DUSP29: variants seen among roughly 807,000 people sequenced by gnomAD.
DUSP29 encodes atypical dual-specific protein phosphatase.
DUSP29 carries 12 observed loss-of-function variants against 13.5 expected under a neutral mutation model. The observed-to-expected ratio is 0.89, with a 90% CI of 0.57 to 1.44. The LOEUF (loss-of-function observed/expected upper bound fraction) is 1.44. Among genes scored for constraint, DUSP29 ranks in the 40% most tolerant of loss-of-function variants. The probability of loss-of-function intolerance (pLI) is 0.00; values close to 1 mark genes in which losing one functional copy is unlikely to be tolerated. For synonymous variants in DUSP29, 134 were observed against 128.7 expected (o/e 1.04, Z -0.28); for missense variants, 308 against 301.1 (o/e 1.02, Z -0.17).
chr10:75,052,761 T>G (rs772410083), intron 2 of DUSP29, among the ~76,000 whole-genome samples: 1 of 152,204 alleles, frequency 6.6e-6, no homozygotes, highest in Non-Finnish European at 1.5e-5. Context: ...CAACTATTCT[T>G]CAAGTTGAGG....
intron 1 of DUSP29, among the ~76,000 whole-genome samples, chr10:75,068,357 G>T (rs1847248883): frequency 6.6e-6 from 1 of 152,060 alleles, no homozygotes; most frequent in Admixed American, 6.6e-5. Flanking sequence ...TGCACCTGTG[G>T]TCCCAGCTAC....
At chr10:75,044,636 A>C (rs570334155) in intron 2 of DUSP29, among the ~76,000 whole-genome samples, 32 of 152,334 alleles carry the variant, frequency 2.1e-4, no homozygotes, top group African/African-American at 7.2e-4. Flanking sequence ...AATTGATTGC[A>C]GGGAAGTTCT....
chr10:75,055,093 T>A (rs1229771880), intron 2 of DUSP29, among the ~76,000 whole-genome samples: 2 of 152,186 alleles, frequency 1.3e-5, no homozygotes, highest in Non-Finnish European at 2.9e-5. Context: ...CCTCCCACCT[T>A]GGCCTCCCAA....
chr10:75,039,963 T>C (rs908558348), intron 3 of DUSP29, among the ~76,000 whole-genome samples: 1 of 152,094 alleles, frequency 6.6e-6, no homozygotes, highest in East Asian at 1.9e-4. Context: ...GTGGATCACT[T>C]GAGGCCAGGA....
intron 2 of DUSP29, among the ~76,000 whole-genome samples, chr10:75,054,931 C>T (rs1846926085): frequency 6.6e-6 from 1 of 152,132 alleles, no homozygotes; most frequent in Non-Finnish European, 1.5e-5. Flanking sequence ...CCATGACCTC[C>T]TGGACTCAAG....
intron 3 of DUSP29, among the ~76,000 whole-genome samples, chr10:75,043,358 C>A (rs1263081547): frequency 2.0e-5 from 3 of 152,212 alleles, no homozygotes; most frequent in Non-Finnish European, 4.4e-5. Flanking sequence ...TGTCTCCGGC[C>A]GCAGTCCCAG....
chr10:75,066,958 C>CTT (rs61298475), intron 1 of DUSP29, among the ~76,000 whole-genome samples: 146 of 139,450 alleles, frequency 1.0e-3, no homozygotes, highest in East Asian at 1.7e-3. Context: ...TTTTCTTTTT[C>CTT]TTTTTTTTTT....
In DUSP29 at chr10:75,060,468, T is replaced by TAA. The variant is rs56741186; in HGVS notation, c.-34-1922_-34-1921dup. Among the ~76,000 whole-genome samples, 993 of 124,454 alleles carry TAA rather than the reference T, an allele frequency of 8.0e-3. 3 individuals carry two copies. The highest frequency in any genetic ancestry group is 0.047 in the Middle Eastern group (11 of 236). The allele number at this position is 124,454 out of a possible 152,430, so 81.6% of individuals were successfully genotyped here. ...TCCTGGGCAACACAGTGAGACCTTA[T>TAA]AAAAAAAAAAAAAAAAACCCAAAAC... On this transcript the variant is annotated intron_variant, in intron 1 of 3. Coordinates refer to ENST00000338487, the MANE Select transcript of DUSP29 (RefSeq NM_001003892.3).
At chr10:75,070,110 GAA>G (rs1564647495) in intron 1 of DUSP29, among the ~76,000 whole-genome samples, 6 of 141,222 alleles carry the variant, frequency 4.2e-5, no homozygotes, top group Non-Finnish European at 7.5e-5. Context: ...AGGAAGGAAG[GAA>G]GGAAGGAAGG....
At chr10:75,047,790 C>G (rs893631166) in intron 2 of DUSP29, among the ~76,000 whole-genome samples, 23 of 152,280 alleles carry the variant, frequency 1.5e-4, no homozygotes, top group African/African-American at 5.5e-4. Flanking sequence ...CATACTCCCC[C>G]CTCCAAAAAA....
chr10:75,065,671 C>A (rs956468747), intron 1 of DUSP29, among the ~76,000 whole-genome samples: 7 of 151,320 alleles, frequency 4.6e-5, no homozygotes, highest in African/African-American at 1.7e-4. Context: ...TCTTGCTTAA[C>A]AGAAAGCACA....
In DUSP29 at chr10:75,058,556, T is replaced by C. The variant is rs1847019101; in HGVS notation, c.-34-8A>G. ...TTTCTCTCCTTTCTGCAGCTGGTTA[T>C]GAGAGAGAAGCAGGATGGGGGTTAG... On this transcript the variant is annotated splice_polypyrimidine_tract_variant and splice_region_variant and intron_variant, in intron 1 of 3. Coordinates refer to ENST00000338487, the MANE Select transcript of DUSP29 (RefSeq NM_001003892.3). The C allele has an allele frequency of 6.2e-7, 1 of 1,608,898 alleles. No homozygotes were observed. Among genetic ancestry groups the C allele is most frequent in the Non-Finnish European group, 8.5e-7 (1 of 1,177,912 alleles).
chr10:75,064,052 CT>C (rs921669025), intron 1 of DUSP29, among the ~76,000 whole-genome samples: 249 of 145,364 alleles, frequency 1.7e-3, no homozygotes, highest in South Asian at 2.6e-3. Flanking sequence ...CTAGTTCAGA[CT>C]TTTTTTTTTT....
chr10:75,041,500 C>G (rs1483589133), intron 3 of DUSP29, among the ~76,000 whole-genome samples: 1 of 152,202 alleles, frequency 6.6e-6, no homozygotes, highest in African/African-American at 2.4e-5. Context: ...ACAGGGCTCT[C>G]TGCTTAGCCA....
At chr10:75,072,396 C>CA (rs1847349461) in intron 1 of DUSP29, among the ~76,000 whole-genome samples, 1 of 152,140 alleles carries the variant, frequency 6.6e-6, no homozygotes, top group Non-Finnish European at 1.5e-5. Context: ...GCGAGCCACA[C>CA]CCCCGTCGCA....
In DUSP29 at chr10:75,070,964, GA is replaced by G. The variant is rs1310169284; in HGVS notation, c.-35+2604del. Among the ~76,000 whole-genome samples the G allele has an allele frequency of 5.9e-5, 9 of 152,362 alleles. No homozygotes were observed. In the East Asian group the frequency reaches 9.6e-4, roughly 16 times the overall value. Reference sequence around the variant, plus strand: ...GACAAACAGCTAACTCCTGGCCCAGGAACCTGGAGTGGCTGTTTCCAGGCCG... The same window carrying G: ...GACAAACAGCTAACTCCTGGCCCAGGACCTGGAGTGGCTGTTTCCAGGCCG... On this transcript the variant is annotated intron_variant, in intron 1 of 3. Transcript: ENST00000338487.
In DUSP29 at chr10:75,037,832, G is replaced by A. The variant is rs761078122; in HGVS notation, c.*4C>T. 18 of 1,596,928 alleles carry A rather than the reference G, an allele frequency of 1.1e-5. No homozygotes were observed. Among genetic ancestry groups the A allele is most frequent in the East Asian group, 4.5e-5 (2 of 44,584 alleles). Reference sequence around the variant, plus strand: ...AGTGCCTCTGCTGGCCCTGTGAGTCGGGCCTACAGCTCCCTGCCATCCTCC... The same window carrying A: ...AGTGCCTCTGCTGGCCCTGTGAGTCAGGCCTACAGCTCCCTGCCATCCTCC... On this transcript the variant is annotated 3_prime_UTR_variant, in exon 4 of 4. Coordinates refer to ENST00000338487, the MANE Select transcript of DUSP29 (RefSeq NM_001003892.3).
At chr10:75,061,045 C>T (rs975691248) in intron 1 of DUSP29, among the ~76,000 whole-genome samples, 1 of 152,100 alleles carries the variant, frequency 6.6e-6, no homozygotes, top group African/African-American at 2.4e-5. Flanking sequence ...GTTGTTGTTT[C>T]TCTTTTTTCC....
intron 1 of DUSP29, among the ~76,000 whole-genome samples, chr10:75,073,292 G>A (rs1224918034): frequency 1.3e-5 from 2 of 152,084 alleles, no homozygotes; most frequent in Admixed American, 1.3e-4. Context: ...TACATCCAAT[G>A]CTTCACAAGG....
Sources: allele counts gnomAD v4.1 joint callset (sites outside exome capture counted in the v4.1 genomes callset), GRCh38; gene constraint gnomAD v4.1.1; transcripts MANE v1.5; gene names NCBI Gene and HGNC (gene_info 2026-07-23, HGNC 2026-07-21).